LRP1B: variants seen among roughly 807,000 people sequenced by gnomAD.
The protein encoded by LRP1B is low-density lipoprotein receptor-related protein 1B.
Under a neutral mutation model 556.6 loss-of-function variants are expected in LRP1B, and 217 were observed. The observed-to-expected ratio is 0.39, with a 90% confidence interval of 0.35 to 0.44. The LOEUF (loss-of-function observed/expected upper bound fraction) is 0.44. Ranked by LOEUF, LRP1B falls within the 20% of genes least tolerant of loss-of-function variation. LRP1B has a pLI of 1.00. For missense variants in LRP1B, 5,053 were observed against 5,620.8 expected, an observed-to-expected ratio of 0.90 and a Z score of 3.23; for synonymous variants, 2,047 against 1,865.8, an observed-to-expected ratio of 1.10 and a Z score of -2.50.
chr2:141,774,033 A>G (rs1321124860), intron 2 of LRP1B, among the ~76,000 whole-genome samples: 1 of 152,244 alleles, frequency 6.6e-6, no homozygotes, highest in Non-Finnish European at 1.5e-5. Context: ...TGGCTGACAT[A>G]TCAATTTTAT....
At chr2:141,658,558 A>AT (rs1690098889) in intron 2 of LRP1B, among the ~76,000 whole-genome samples, 1 of 152,186 alleles carries the variant, frequency 6.6e-6, no homozygotes, top group Admixed American at 6.5e-5. Flanking sequence ...CAGCTGAACT[A>AT]TTTTTCATCT....
intron 18 of LRP1B, among the ~76,000 whole-genome samples, chr2:140,965,313 A>G (rs79229752): frequency 0.21 from 32,644 of 151,852 alleles, 3,613 homozygotes; most frequent in Middle Eastern, 0.28. Flanking sequence ...ACAGATCTAC[A>G]GAAGACTTTG....
intron 1 of LRP1B, among the ~76,000 whole-genome samples, chr2:142,066,692 G>A (rs1302182838): frequency 6.6e-6 from 1 of 151,366 alleles, no homozygotes; most frequent in African/African-American, 2.4e-5. Flanking sequence ...AGTCTGTTCA[G>A]CACAATCTAG....
At chr2:141,456,687 G>A (rs1681642232) in intron 3 of LRP1B, among the ~76,000 whole-genome samples, 1 of 152,202 alleles carries the variant, frequency 6.6e-6, no homozygotes, top group Non-Finnish European at 1.5e-5. Context: ...TCTTCCTAGA[G>A]TTAAAATGCC....
intron 7 of LRP1B, among the ~76,000 whole-genome samples, chr2:141,175,280 A>C (rs1188261723): frequency 6.6e-6 from 1 of 152,154 alleles, no homozygotes; most frequent in Non-Finnish European, 1.5e-5. Context: ...AAAACTTTGC[A>C]TAAGTAAAGA....
intron 6 of LRP1B, among the ~76,000 whole-genome samples, chr2:141,228,383 G>A (rs551123615): frequency 5.9e-5 from 9 of 151,998 alleles, no homozygotes; most frequent in African/African-American, 2.2e-4. Context: ...GAGAGAATAT[G>A]TGTGCATCTC....
chr2:141,294,594 G>T (rs905455908), intron 3 of LRP1B, among the ~76,000 whole-genome samples: 1 of 151,706 alleles, frequency 6.6e-6, no homozygotes, highest in Non-Finnish European at 1.5e-5. Flanking sequence ...AATAAAATTA[G>T]CTGGATGCCA....
chr2:140,569,878 T>C (rs1681259366), intron 43 of LRP1B, among the ~76,000 whole-genome samples: 1 of 151,710 alleles, frequency 6.6e-6, no homozygotes, highest in Non-Finnish European at 1.5e-5. Context: ...TAGAAATCAA[T>C]TAAAAGAGAA....
intron 15 of LRP1B, among the ~76,000 whole-genome samples, chr2:141,000,905 A>T (rs1697400153): frequency 1.5e-5 from 1 of 67,400 alleles, no homozygotes; most frequent in African/African-American, 5.6e-5. Context: ...TCAATCTGTC[A>T]ATATCTTTCC....
chr2:140,919,644 T>C (rs1055369732), intron 21 of LRP1B, among the ~76,000 whole-genome samples: 4 of 152,070 alleles, frequency 2.6e-5, no homozygotes, highest in African/African-American at 7.2e-5. Flanking sequence ...CTCAGTAAGG[T>C]ACTCAGCTTT....
At chr2:141,506,162 T>C (rs1269124530) in intron 2 of LRP1B, among the ~76,000 whole-genome samples, 2 of 152,108 alleles carry the variant, frequency 1.3e-5, no homozygotes, top group Non-Finnish European at 2.9e-5. Context: ...ACAGCTTTGT[T>C]AATGGATTTC....
At chr2:140,999,979 A>C (rs1697367018) in intron 15 of LRP1B, among the ~76,000 whole-genome samples, 1 of 151,956 alleles carries the variant, frequency 6.6e-6, no homozygotes, top group Admixed American at 6.6e-5. Flanking sequence ...TGGCACATAC[A>C]ATCACATTTC....
At chr2:140,919,937 T>A in intron 21 of LRP1B, among the ~76,000 whole-genome samples, 1 of 152,192 alleles carries the variant, frequency 6.6e-6, no homozygotes, top group South Asian at 2.1e-4. Flanking sequence ...GTTTCTAATT[T>A]TTTACTATTA....
At chr2:140,905,362 G>C (rs1289998010) in intron 22 of LRP1B, among the ~76,000 whole-genome samples, 1 of 152,154 alleles carries the variant, frequency 6.6e-6, no homozygotes, top group Non-Finnish European at 1.5e-5. Flanking sequence ...GAACGCTCAT[G>C]ATGATAGGCA....
intron 43 of LRP1B, among the ~76,000 whole-genome samples, chr2:140,590,625 G>T (rs1460680458): frequency 2.0e-5 from 3 of 151,772 alleles, no homozygotes; most frequent in Non-Finnish European, 4.4e-5. Context: ...GGAAGGCCAC[G>T]TGAAGACACA....
intron 3 of LRP1B, among the ~76,000 whole-genome samples, chr2:141,341,070 G>A (rs1035695741): frequency 6.6e-6 from 1 of 152,130 alleles, no homozygotes; most frequent in Non-Finnish European, 1.5e-5. Flanking sequence ...ATAGGAAAAA[G>A]ATAGCATTTA....
At chr2:141,325,503 C>T (rs1266475760) in intron 3 of LRP1B, among the ~76,000 whole-genome samples, 2 of 152,040 alleles carry the variant, frequency 1.3e-5, no homozygotes, top group Non-Finnish European at 2.9e-5. Flanking sequence ...ACAGACTATA[C>T]TAGGTAACAT....
chr2:141,664,586 C>T (rs187849580), intron 2 of LRP1B, among the ~76,000 whole-genome samples: 124 of 152,160 alleles, frequency 8.1e-4, no homozygotes, highest in Non-Finnish European at 1.5e-3. Flanking sequence ...AGAACCAAAC[C>T]ATAAATGAAC....
intron 11 of LRP1B, among the ~76,000 whole-genome samples, chr2:141,033,221 G>A (rs1444812037): frequency 6.6e-6 from 1 of 151,890 alleles, no homozygotes; most frequent in African/African-American, 2.4e-5. Flanking sequence ...AGGGAGGGAA[G>A]GTGGCTAGGC....
Sources: gnomAD v4.1 joint callset for allele counts (sites outside exome capture counted in the v4.1 genomes callset) on GRCh38, gnomAD v4.1.1 for gene constraint, MANE v1.5 for transcripts, NCBI Gene and HGNC (gene_info 2026-07-23, HGNC 2026-07-21) for gene names.